Variants in SUPT6H observed in about 807,000 individuals in gnomAD.
SUPT6H encodes transcription elongation factor SPT6.
In SUPT6H, 11 loss-of-function variants were observed where a neutral mutation model predicts 222.3. The ratio of observed to expected loss-of-function variants is 0.05; its 90% CI spans 0.03 to 0.08. The LOEUF (loss-of-function observed/expected upper bound fraction) is 0.08, where lower values mean the gene tolerates loss of function less well. SUPT6H is among the 10% of genes least tolerant of loss of function. The pLI, the probability that SUPT6H is intolerant of heterozygous loss-of-function variation, is 1.00. For synonymous variants in SUPT6H, 762 were observed against 801.2 expected, an observed-to-expected ratio of 0.95 and a Z score of 0.83; for missense variants, 1,422 against 2,216.0, an observed-to-expected ratio of 0.64 and a Z score of 7.19.
Position 28,688,362 on chromosome 17 carries a change from C to T in SUPT6H, c.3134+144C>T. Reference sequence around the variant, plus strand: ...GAAAAGGTAAGGAACTTTATTCAGTCAAGAGCCCCTGACCTATGGAAAAGA... The same window carrying T: ...GAAAAGGTAAGGAACTTTATTCAGTTAAGAGCCCCTGACCTATGGAAAAGA... On this transcript the variant is annotated intron_variant, in intron 24 of 36. Transcript: ENST00000314616. This position sits in a 1 kb window ranked among gnomAD's most constrained non-coding sequence, Gnocchi z 4.3. 2.9e-6 allele frequency: 3 copies of T among 1,046,512 alleles called. No homozygotes were observed. Among genetic ancestry groups the T allele is most frequent in the Non-Finnish European group, 4.0e-6 (3 of 758,710 alleles). The allele number at this position is 1,046,512 out of a possible 1,614,324, so 64.8% of individuals were successfully genotyped here.
chr17:28,682,891 G>T (rs750365722), intron 14 of SUPT6H, 35 bp downstream of exon 14: 2 of 1,613,882 alleles, frequency 1.2e-6, no homozygotes, highest in Non-Finnish European at 1.7e-6. Flanking sequence ...AGGAGGAGGG[G>T]CCTGAGGACC....
At position 28,697,947 on chromosome 17, in the gene SUPT6H, C is replaced by T; in HGVS notation, c.4365C>T (p.Pro1455=). Residue 1455 remains proline (P), a synonymous_variant, in exon 32 of 37, where the codon CCC becomes CCT. Coordinates refer to ENST00000314616, the MANE Select transcript of SUPT6H (RefSeq NM_003170.5). Reference sequence around the variant, plus strand: ...TCATCAAAACTAAGAAGGAGAAGCCCACCTTCATCCCTTATTTCATCTGTG... The same window carrying T: ...TCATCAAAACTAAGAAGGAGAAGCCTACCTTCATCCCTTATTTCATCTGTG... ...ELLIKTKKEK[P]TFIPYFICAC... The T allele has an allele frequency of 1.9e-6, 3 of 1,614,070 alleles. No homozygotes were observed. The highest frequency in any genetic ancestry group is 2.5e-6 in the Non-Finnish European group (3 of 1,180,012).
At chr17:28,667,403 GTGTATATATATATATATATATATA>G (rs1354108733) in intron 1 of SUPT6H, among the ~76,000 whole-genome samples, 14 of 42,370 alleles carry the variant, frequency 3.3e-4, no homozygotes, top group African/African-American at 5.4e-4. Flanking sequence ...AAGTGTGTGT[GTGTATATATATATATATATATATA>G]TATATATATG....
In SUPT6H at chr17:28,702,046, C is replaced by G. The variant is rs2151672690; in HGVS notation, c.*421C>G. On this transcript the variant is annotated 3_prime_UTR_variant, in exon 37 of 37. Coordinates refer to ENST00000314616, the MANE Select transcript of SUPT6H (RefSeq NM_003170.5). ...CGTGGGGAGAGGGATGCTATTTATT[C>G]AGTTTGGGGCAGGAGGGAGAGGAGG... 1 of 162,606 alleles carries G rather than the reference C, an allele frequency of 6.1e-6. No homozygotes were observed. The highest frequency in any genetic ancestry group is 2.4e-5 in the African/African-American group (1 of 41,906). 10.1% of individuals were successfully genotyped at this position (162,606 alleles called of 1,614,324 possible).
chr17:28,698,297 A>G (rs993498654), intron 32 of SUPT6H, among the ~76,000 whole-genome samples: 1 of 152,182 alleles, frequency 6.6e-6, no homozygotes, highest in Non-Finnish European at 1.5e-5. Flanking sequence ...GAGTGACAGG[A>G]GTCACCAGAC....
chr17:28,683,226 C>T (rs1262775694), intron 15 of SUPT6H, 42 bp from the exon 16 acceptor site: 11 of 1,605,914 alleles, frequency 6.8e-6, no homozygotes, highest in Non-Finnish European at 9.4e-6. Context: ...GGGCCTGGCC[C>T]AGCCCATCCG....
chr17:28,690,702 A>C (rs1337904335), intron 26 of SUPT6H, among the ~76,000 whole-genome samples: 5 of 152,226 alleles, frequency 3.3e-5, no homozygotes, highest in Non-Finnish European at 5.9e-5. Flanking sequence ...TGAACCTGGG[A>C]GGCAGAGGTT....
At position 28,701,635 on chromosome 17, in the gene SUPT6H, T is replaced by C. The variant is rs766120226; in HGVS notation, c.*10T>C. ...CGAGATGGATCGGTAGGGGGCCTGC[T>C]CCTCGGACTCTGGTTACCTCTGAGG... On this transcript the variant is annotated 3_prime_UTR_variant, in exon 37 of 37. Coordinates refer to ENST00000314616, the MANE Select transcript of SUPT6H (RefSeq NM_003170.5). 1 of 1,596,858 alleles carries C rather than the reference T, an allele frequency of 6.3e-7. No individual in the cohort carries two copies. Among genetic ancestry groups the C allele is most frequent in the South Asian group, 1.1e-5 (1 of 89,844 alleles).
chr17:28,667,237 G>C (rs2030083037), intron 1 of SUPT6H, among the ~76,000 whole-genome samples: 1 of 149,096 alleles, frequency 6.7e-6, no homozygotes, highest in Admixed American at 6.7e-5. Context: ...TGGGCGTGGT[G>C]GTGGGCACCT....
Position 28,693,814 on chromosome 17 carries a change from A to C in SUPT6H, c.3752A>C (p.Lys1251Thr). The C allele has an allele frequency of 6.2e-7, 1 of 1,614,222 alleles. No individual in the cohort carries two copies. Among genetic ancestry groups the C allele is most frequent in the Non-Finnish European group, 8.5e-7 (1 of 1,180,040 alleles). ...PTKFLSDKVVKRPEERVKVGM... is the reference protein window; with the variant it reads ...PTKFLSDKVVTRPEERVKVGM... ...AAATTCCTCAGTGACAAAGTGGTAAAGCGGCCAGAAGAACGAGTGAAGGTA... is the reference window on the plus strand; with the variant it reads ...AAATTCCTCAGTGACAAAGTGGTAACGCGGCCAGAAGAACGAGTGAAGGTA... Residue 1251 changes from lysine to threonine, a missense_variant, in exon 28 of 37, where the codon AAG (lysine) becomes ACG (threonine). Coordinates refer to ENST00000314616, the MANE Select transcript of SUPT6H (RefSeq NM_003170.5).
rs772734356 is a variant in SUPT6H, at chr17:28,700,152, C to CT, written c.4562-20dup. Reference sequence around the variant, plus strand: ...AAAATAGGTTTCTGGAGGGATGTAACTAAATAATCACTTCCTGCAGGCATC... The same window carrying CT: ...AAAATAGGTTTCTGGAGGGATGTAACTTAAATAATCACTTCCTGCAGGCATC... On this transcript the variant is annotated intron_variant, in intron 33 of 36. Transcript: ENST00000314616. 5.0e-6 allele frequency: 8 copies of CT among 1,614,114 alleles called. No individual in the cohort carries two copies. In the Admixed American group the frequency reaches 1.3e-4, roughly 27 times the overall value.
At chr17:28,678,750 G>T in intron 10 of SUPT6H, 71 bp from the exon 11 acceptor site, 1 of 1,612,532 alleles carries the variant, frequency 6.2e-7, no homozygotes, top group Non-Finnish European at 8.5e-7. Flanking sequence ...TAGGTTTCTG[G>T]TAAGGATCAG....
At chr17:28,678,403 C>T in intron 9 of SUPT6H, 142 bp from the exon 10 acceptor site, 1 of 905,546 alleles carries the variant, frequency 1.1e-6, no homozygotes, top group Non-Finnish European at 1.7e-6. Context: ...AGCACCAGGC[C>T]CTGGAAGGGC....
chr17:28,672,689 T>C (rs2030496504), intron 1 of SUPT6H: 1 of 151,946 alleles, frequency 6.6e-6, no homozygotes, highest in Non-Finnish European at 1.5e-5. Context: ...GCTGGGGTTA[T>C]AGGAGTGAGC....
At chr17:28,676,132 A>C in intron 6 of SUPT6H, 25 bp from the exon 7 acceptor site, 1 of 1,554,666 alleles carries the variant, frequency 6.4e-7, no homozygotes, top group Non-Finnish European at 8.7e-7. Context: ...AACCTGAGCC[A>C]CCTGCCTCTT....
At position 28,677,759 on chromosome 17, in the gene SUPT6H, A is replaced by G. The variant is rs762372360; in HGVS notation, c.942A>G (p.Glu314=). The G allele has an allele frequency of 6.2e-7, 1 of 1,614,246 alleles. No individual in the cohort carries two copies. Among genetic ancestry groups the G allele is most frequent in the South Asian group, 1.1e-5 (1 of 91,086 alleles). The part of the protein sequence containing the change: ...PVKGAEDDEL[E]EEADWIYRNA... ...AGGGGGCTGAAGATGATGAACTAGA[A>G]GAAGAAGCTGACTGGATCTACAGGA... Residue 314 remains glutamate, a synonymous_variant, in exon 8 of 37, where the codon GAA becomes GAG. Transcript: ENST00000314616.
At chr17:28,687,837 C>T (rs909209175) in intron 23 of SUPT6H, among the ~76,000 whole-genome samples, 16 of 151,870 alleles carry the variant, frequency 1.1e-4, no homozygotes, top group African/African-American at 3.9e-4. Flanking sequence ...TAACTTGTAA[C>T]TTATAAGCCA....
chr17:28,667,045 A>G (rs1353833688), intron 1 of SUPT6H, among the ~76,000 whole-genome samples: 1 of 151,824 alleles, frequency 6.6e-6, no homozygotes, highest in Non-Finnish European at 1.5e-5. Flanking sequence ...CAAATTGGAT[A>G]TTCACTTATG....
In SUPT6H at chr17:28,682,856, G is replaced by A. The variant is rs569175895; in HGVS notation, c.1727G>A (p.Ser576Asn). 1.2e-6 allele frequency: 2 copies of A among 1,614,196 alleles called. No individual in the cohort carries two copies. The highest frequency in any genetic ancestry group is 1.3e-5 in the African/African-American group (1 of 75,034). ...PLELAKDYVC[S>N]QFPTPEAVLE... ...GAGCTGGCCAAGGATTACGTTTGCA[G>A]GTAGGCATGCAGCAGGTGGCTGACA... is the stretch of plus-strand genomic sequence containing the variant. Residue 576 changes from serine to asparagine, a missense_variant and splice_region_variant, in exon 14 of 37, where the codon AGC becomes AAC. Transcript: ENST00000314616.
Sources: allele counts gnomAD v4.1 joint callset (sites outside exome capture counted in the v4.1 genomes callset), GRCh38; gene constraint gnomAD v4.1.1; non-coding constraint Gnocchi (gnomAD v3.1); transcripts MANE v1.5; gene names NCBI Gene and HGNC (gene_info 2026-07-23, HGNC 2026-07-21).